The following DSCAM variants were observed in gnomAD, a reference collection of about 807,000 sequenced individuals.
DSCAM encodes the protein DS cell adhesion molecule, also known as cell adhesion molecule DSCAM.
Under a neutral mutation model 217.7 loss-of-function variants are expected in DSCAM, and 47 were observed. The observed-to-expected ratio is 0.22, with a 90% CI of 0.17 to 0.28. DSCAM has a LOEUF of 0.28. Ranked by LOEUF, DSCAM falls within the 10% of genes least tolerant of loss-of-function variation. The pLI is 1.00. For missense variants in DSCAM, 2,080 were observed against 2,618.3 expected (o/e 0.79, Z 4.49); for synonymous variants, 1,056 against 1,015.3 (o/e 1.04, Z -0.76).
chr21:40,111,924 T>C (rs1320571359), intron 20 of DSCAM, among the ~76,000 whole-genome samples: 1 of 151,940 alleles, frequency 6.6e-6, no homozygotes, highest in East Asian at 1.9e-4. Flanking sequence ...AGCAAGTCCT[T>C]AGAGACCTAC....
intron 3 of DSCAM, among the ~76,000 whole-genome samples, chr21:40,527,648 G>A (rs912365359): frequency 3.3e-5 from 5 of 152,196 alleles, no homozygotes; most frequent in African/African-American, 1.2e-4. Context: ...ACACAATCAT[G>A]AACTAGACAA....
chr21:40,796,607 G>C (rs1202591582), intron 1 of DSCAM, among the ~76,000 whole-genome samples: 7 of 152,150 alleles, frequency 4.6e-5, no homozygotes, highest in Non-Finnish European at 7.3e-5. Flanking sequence ...TGCTGTCTCT[G>C]TCTTGCAAGT....
intron 11 of DSCAM, among the ~76,000 whole-genome samples, chr21:40,261,219 C>T (rs2146979438): frequency 6.6e-6 from 1 of 152,300 alleles, no homozygotes; most frequent in Middle Eastern, 3.4e-3. Flanking sequence ...GAATGTTTGT[C>T]CCCTCTGAAA....
intron 3 of DSCAM, among the ~76,000 whole-genome samples, chr21:40,687,543 G>A (rs1035215008): frequency 6.6e-6 from 1 of 152,104 alleles, no homozygotes; most frequent in African/African-American, 2.4e-5. Context: ...CCCGACAGCT[G>A]TGCTAGCTCT....
chr21:40,349,770 G>A (rs2074608634), intron 5 of DSCAM, among the ~76,000 whole-genome samples: 1 of 152,092 alleles, frequency 6.6e-6, no homozygotes, highest in African/African-American at 2.4e-5. Context: ...GATTTTTAAA[G>A]GTCAGAAAGT....
intron 4 of DSCAM, among the ~76,000 whole-genome samples, chr21:40,355,530 AT>A (rs2074682441): frequency 1.3e-5 from 2 of 152,248 alleles, no homozygotes; most frequent in African/African-American, 4.8e-5. Flanking sequence ...ACTATGAAGA[AT>A]ATAAAATACA....
intron 1 of DSCAM, among the ~76,000 whole-genome samples, chr21:40,831,270 G>T (rs1601323378): frequency 6.6e-6 from 1 of 151,460 alleles, no homozygotes; most frequent in African/African-American, 2.4e-5. Context: ...CAGTGTGAGA[G>T]AGTAATAAGA....
chr21:40,163,675 C>T (rs2090564743), intron 16 of DSCAM, among the ~76,000 whole-genome samples: 3 of 152,094 alleles, frequency 2.0e-5, no homozygotes, highest in South Asian at 4.2e-4. Flanking sequence ...TGAAACTTAT[C>T]ACAAATTGGA....
intron 1 of DSCAM, among the ~76,000 whole-genome samples, chr21:40,842,450 T>G (rs1452372519): frequency 6.6e-6 from 1 of 152,248 alleles, no homozygotes; most frequent in Non-Finnish European, 1.5e-5. Context: ...ACCCGTAGAA[T>G]TCAGCTAATT....
intron 3 of DSCAM, among the ~76,000 whole-genome samples, chr21:40,421,405 A>T (rs1217780706): frequency 1.3e-5 from 2 of 152,244 alleles, no homozygotes; most frequent in East Asian, 1.9e-4. Flanking sequence ...GCCTGCTCAG[A>T]AAGTGCTGCA....
chr21:40,734,571 T>C (rs2091044078), intron 1 of DSCAM, among the ~76,000 whole-genome samples: 1 of 152,208 alleles, frequency 6.6e-6, no homozygotes, highest in African/African-American at 2.4e-5. Context: ...CTTTCTTCTA[T>C]CAGGGTGAGC....
At chr21:40,583,558 T>A (rs1175208667) in intron 3 of DSCAM, among the ~76,000 whole-genome samples, 1 of 150,524 alleles carries the variant, frequency 6.6e-6, no homozygotes, top group African/African-American at 2.4e-5. Context: ...ACCAGGGGAG[T>A]GGGAAGGAAA....
At position 40,293,418 on chromosome 21, in the gene DSCAM, T is replaced by A. The variant is rs1229606402; in HGVS notation, c.2182+2637A>T. ...GAGAGGCAGAACTCTTCCTAACACA[T>A]AAGGAGTTTGGGTGCCTGATGACTT... On this transcript the variant is annotated intron_variant, in intron 10 of 32. Transcript: ENST00000400454. 2.6e-5 allele frequency among the ~76,000 whole-genome samples: 4 copies of A among 152,208 alleles called. No homozygotes were observed. The South Asian group carries it at 6.2e-4, about 24-fold the overall frequency.
chr21:40,756,519 G>A (rs991208710), intron 1 of DSCAM, among the ~76,000 whole-genome samples: 2 of 151,898 alleles, frequency 1.3e-5, no homozygotes, highest in Admixed American at 6.6e-5. Flanking sequence ...AGCCTCCCAA[G>A]TAGCTGGGAT....
intron 3 of DSCAM, among the ~76,000 whole-genome samples, chr21:40,581,160 C>G (rs913390747): frequency 5.3e-5 from 8 of 152,180 alleles, no homozygotes; most frequent in Admixed American, 3.9e-4. Flanking sequence ...GTAAGAGAAT[C>G]CTTTAAACGA....
intron 1 of DSCAM, among the ~76,000 whole-genome samples, chr21:40,785,696 T>C (rs1238636140): frequency 1.3e-5 from 2 of 152,190 alleles, no homozygotes; most frequent in Non-Finnish European, 2.9e-5. Flanking sequence ...CATTTATTCA[T>C]TCATTCAGTC....
chr21:40,600,533 C>T (rs1568930868), intron 3 of DSCAM, among the ~76,000 whole-genome samples: 1 of 152,102 alleles, frequency 6.6e-6, no homozygotes, highest in African/African-American at 2.4e-5. Context: ...ACCATAGCAC[C>T]AACTTATTAA....
At chr21:40,729,119 A>T (rs2090986838) in intron 1 of DSCAM, among the ~76,000 whole-genome samples, 1 of 152,248 alleles carries the variant, frequency 6.6e-6, no homozygotes, top group South Asian at 2.1e-4. Context: ...AATACACATT[A>T]TGTGCTAGGA....
intron 18 of DSCAM, among the ~76,000 whole-genome samples, chr21:40,134,336 G>A (rs368733614): frequency 2.2e-4 from 34 of 152,284 alleles, no homozygotes; most frequent in African/African-American, 7.9e-4. Context: ...AGGTGCTAAT[G>A]AGCAATGTCC....
Sources: allele counts gnomAD v4.1 joint callset (sites outside exome capture counted in the v4.1 genomes callset), GRCh38; gene constraint gnomAD v4.1.1; transcripts MANE v1.5; gene names NCBI Gene and HGNC (gene_info 2026-07-23, HGNC 2026-07-21).